Variants in MACROD2 observed in about 807,000 individuals in gnomAD.
MACROD2 encodes ADP-ribose glycohydrolase MACROD2.
A neutral mutation model predicts 70.4 loss-of-function variants in MACROD2; 36 were observed. The ratio of observed to expected loss-of-function variants is 0.51; its 90% confidence interval spans 0.39 to 0.68. MACROD2 has a LOEUF of 0.68. MACROD2 is among the 30% of genes least tolerant of loss of function. MACROD2 has a pLI of 0.00. For missense variants in MACROD2, 496 were observed against 538.4 expected (o/e 0.92, Z 0.78); for synonymous variants, 172 against 178.8 (o/e 0.96, Z 0.30).
chr20:15,694,005 A>ATTTC (rs1319999663), intron 8 of MACROD2, among the ~76,000 whole-genome samples: 4 of 152,158 alleles, frequency 2.6e-5, no homozygotes, highest in African/African-American at 9.7e-5. Context: ...TTAGAATAAT[A>ATTTC]GTCTCCAATC....
chr20:14,059,841 G>A (rs1474408441), intron 2 of MACROD2, among the ~76,000 whole-genome samples: 1 of 152,170 alleles, frequency 6.6e-6, no homozygotes, highest in East Asian at 1.9e-4. Flanking sequence ...ATGCTAGAAT[G>A]AGGAGAAGGG....
intron 8 of MACROD2, among the ~76,000 whole-genome samples, chr20:15,777,635 T>C (rs1346346279): frequency 9.4e-6 from 1 of 106,332 alleles, no homozygotes; most frequent in Non-Finnish European, 1.9e-5. Context: ...CCCTCCTTCC[T>C]TCCTCTCTCT....
At chr20:15,636,089 A>AAAAAAAAAAAAAAAAAAAG (rs1459679844) in intron 8 of MACROD2, among the ~76,000 whole-genome samples, 4 of 134,974 alleles carry the variant, frequency 3.0e-5, no homozygotes, top group Admixed American at 7.9e-5. Context: ...AAAAAAAAAA[A>AAAAAAAAAAAAAAAAAAAG]AAAGAAAGAA....
At chr20:14,617,570 A>G (rs538700272) in intron 4 of MACROD2, among the ~76,000 whole-genome samples, 15 of 152,236 alleles carry the variant, frequency 9.9e-5, no homozygotes, top group African/African-American at 3.6e-4. Flanking sequence ...AGACTAAGAA[A>G]CCATATACAA....
intron 3 of MACROD2, among the ~76,000 whole-genome samples, chr20:14,416,581 A>C (rs952753169): frequency 1.3e-5 from 2 of 152,214 alleles, no homozygotes; most frequent in Admixed American, 1.3e-4. Flanking sequence ...TTGTTTAAAC[A>C]GAAAATTGAG....
intron 5 of MACROD2, among the ~76,000 whole-genome samples, chr20:15,186,697 C>G (rs1156507739): frequency 2.0e-5 from 3 of 152,178 alleles, no homozygotes; most frequent in Admixed American, 1.3e-4. Context: ...TCACTAACTA[C>G]TAACTGAAAT....
At chr20:15,213,940 C>G (rs1341534358) in intron 5 of MACROD2, among the ~76,000 whole-genome samples, 1 of 151,620 alleles carries the variant, frequency 6.6e-6, no homozygotes, top group East Asian at 1.9e-4. Flanking sequence ...GACACGGTCT[C>G]CATAAAAGAA....
intron 11 of MACROD2, among the ~76,000 whole-genome samples, chr20:15,936,794 G>A (rs996983767): frequency 2.6e-5 from 4 of 152,002 alleles, no homozygotes; most frequent in African/African-American, 7.2e-5. Context: ...AGCTGTTATC[G>A]TGGAGGCCAA....
chr20:15,046,188 CAT>C (rs11467667), intron 5 of MACROD2, among the ~76,000 whole-genome samples: 17,151 of 151,432 alleles, frequency 0.11, 2,531 homozygotes, highest in African/African-American at 0.33. Context: ...TTAAAAAATA[CAT>C]ATATATATAT....
chr20:15,738,198 G>A (rs1409109407), intron 8 of MACROD2, among the ~76,000 whole-genome samples: 1 of 152,132 alleles, frequency 6.6e-6, no homozygotes, highest in Non-Finnish European at 1.5e-5. Context: ...AGTATAATTG[G>A]ACTGCTTGTA....
chr20:16,035,888 G>A (rs1006453679), intron 15 of MACROD2, among the ~76,000 whole-genome samples: 7 of 151,926 alleles, frequency 4.6e-5, no homozygotes, highest in African/African-American at 1.7e-4. Flanking sequence ...ACTGTCAAAT[G>A]CATTTCAAGT....
At chr20:14,769,012 T>A (rs2072129981) in intron 5 of MACROD2, among the ~76,000 whole-genome samples, 1 of 152,112 alleles carries the variant, frequency 6.6e-6, no homozygotes, top group African/African-American at 2.4e-5. Flanking sequence ...TAATTCTTAA[T>A]CTATTATTAA....
At chr20:15,444,983 AACT>A (rs1647422780) in intron 7 of MACROD2, among the ~76,000 whole-genome samples, 3 of 152,072 alleles carry the variant, frequency 2.0e-5, no homozygotes, top group African/African-American at 7.2e-5. Flanking sequence ...TTATTCTTAT[AACT>A]ACTGCTGTCA....
intron 5 of MACROD2, among the ~76,000 whole-genome samples, chr20:14,725,008 G>A (rs115150258): frequency 2.4e-4 from 36 of 152,264 alleles, no homozygotes; most frequent in African/African-American, 8.2e-4. Context: ...TTCTGGAGAT[G>A]GAGACAAATG....
In MACROD2 at chr20:15,819,676, T is replaced by G. The variant is rs73614462; in HGVS notation, c.646-43069T>G. 3.9e-3 allele frequency among the ~76,000 whole-genome samples: 590 copies of G among 151,798 alleles called. 5 individuals are homozygous for G. Among genetic ancestry groups the G allele is most frequent in the East Asian group, 0.033 (173 of 5,178 alleles). On this transcript the variant is annotated intron_variant, in intron 8 of 17. Transcript: ENST00000684519. ...AGCAAAATAGGCCAGATGCAGAAGA[T>G]AAATTATTGCATAATCTCACTTATA...
chr20:14,382,013 G>C (rs1163398704), intron 3 of MACROD2, among the ~76,000 whole-genome samples: 1 of 150,050 alleles, frequency 6.7e-6, no homozygotes, highest in Non-Finnish European at 1.5e-5. Context: ...CAATAAAAAG[G>C]ATATTGCTTT....
In MACROD2 at chr20:15,846,468, A is replaced by T. The variant is rs369264558; in HGVS notation, c.646-16277A>T. Among the ~76,000 whole-genome samples the T allele has an allele frequency of 1.7e-4, 26 of 152,180 alleles. No homozygotes were observed. The East Asian group carries it at 2.5e-3, about 15-fold the overall frequency. On this transcript the variant is annotated intron_variant, in intron 8 of 17. Transcript: ENST00000684519. ...GGCAGCACACACTTTTATTGACTTG[A>T]GACAGCAGCGATTTTCTCTCATCTA...
chr20:15,507,997 C>T (rs1227407105), intron 8 of MACROD2, among the ~76,000 whole-genome samples: 24 of 152,132 alleles, frequency 1.6e-4, no homozygotes, highest in Admixed American at 1.6e-3. Context: ...GCCCAAATGC[C>T]CTGTCACCCA....
In MACROD2 at chr20:15,085,545, TAGAA is replaced by T. The variant is rs561772474; in HGVS notation, c.419-144391_419-144388del. On this transcript the variant is annotated intron_variant, in intron 5 of 17. Transcript: ENST00000684519. ...ATAAAGAACTTTTACAAGTCAATAA[TAGAA>T]AGACAAAGAGCTCAGTTTAATCATG... Among the ~76,000 whole-genome samples the T allele has an allele frequency of 5.4e-3, 824 of 152,032 alleles. 5 individuals are homozygous for T. The highest frequency in any genetic ancestry group is 0.019 in the African/African-American group (778 of 41,476).
Sources: allele counts gnomAD v4.1 joint callset (sites outside exome capture counted in the v4.1 genomes callset), GRCh38; gene constraint gnomAD v4.1.1; transcripts MANE v1.5; gene names NCBI Gene and HGNC (gene_info 2026-07-23, HGNC 2026-07-21).